The following ZNF408 variants were observed in gnomAD, a reference collection of about 807,000 sequenced individuals.
The protein encoded by ZNF408 is PR domain zinc finger protein 17.
Under a neutral mutation model 27.6 loss-of-function variants are expected in ZNF408, and 24 were observed. That is an observed-to-expected ratio of 0.87 (90% CI 0.63 to 1.22). The LOEUF (loss-of-function observed/expected upper bound fraction) is 1.22. Among genes scored for constraint, ZNF408 ranks in the 50% most tolerant of loss-of-function variants. The probability of loss-of-function intolerance (pLI) is 0.00; values close to 1 mark genes in which losing one functional copy is unlikely to be tolerated. For synonymous variants in ZNF408, 410 were observed against 396.1 expected, an observed-to-expected ratio of 1.04 and a Z score of -0.42; for missense variants, 897 against 949.0, an observed-to-expected ratio of 0.95 and a Z score of 0.72.
Position 46,701,519 on chromosome 11 carries a change from C to T in ZNF408, c.173C>T (p.Pro58Leu), listed in dbSNP as rs777003587. ...TRDILALKSL[P>L]RGLALGPSLA... ...GACATCCTCGCTTTAAAGAGCCTTC[C>T]CCGGGGCTTGGCCCTTGGCCCCTCA... The change falls in exon 2 of 5, where the codon CCC becomes CTC. Residue 58 changes from proline to leucine, a missense_variant. Physicochemically the swap from Pro to Leu is moderately conservative, Grantham distance 98. Coordinates refer to ENST00000311764, the MANE Select transcript of ZNF408 (RefSeq NM_024741.3). 5.0e-6 allele frequency: 8 copies of T among 1,613,988 alleles called. No homozygotes were observed. In the East Asian group the frequency reaches 1.6e-4, roughly 31 times the overall value.
intron 4 of ZNF408, 67 bp from the exon 5 acceptor site, chr11:46,704,286 G>A: frequency 6.7e-7 from 1 of 1,497,070 alleles, no homozygotes; most frequent in East Asian, 2.3e-5. Context: ...ATCTGATCCT[G>A]TAATTCCCTG....
Position 46,702,731 on chromosome 11 carries a change from G to T in ZNF408, c.358G>T (p.Val120Leu), listed in dbSNP as rs747305214. 29 of 1,614,090 alleles carry T rather than the reference G, an allele frequency of 1.8e-5. No homozygotes were observed. The Admixed American group carries it at 4.8e-4, about 27-fold the overall frequency. ...CCTGTCATTAGGCCCATGGGGAGACGTGTGTGCCTGTGAGCAGAGTTCTGG... is the reference window on the plus strand; with the variant it reads ...CCTGTCATTAGGCCCATGGGGAGACTTGTGTGCCTGTGAGCAGAGTTCTGG... The part of the protein sequence containing the change: ...ENLSLGPWGD[V>L]CACEQSSGWT... The change falls in exon 3 of 5, where the codon GTG becomes TTG. Residue 120 changes from valine (V) to leucine (L), a missense_variant. Coordinates refer to ENST00000311764, the MANE Select transcript of ZNF408 (RefSeq NM_024741.3).
rs1565693379 is a variant in ZNF408, at chr11:46,701,462, G to A, written c.116G>A (p.Gly39Asp). Residue 39 changes from glycine to aspartate, a missense_variant, in exon 2 of 5, where the codon GGC (glycine) becomes GAC (aspartate). By Grantham distance (94) the Gly-to-Asp change is moderately conservative. Transcript: ENST00000311764. ...CCTTCCGGAGAAGGCTGTACGCAGG[G>A]CCTCAAAGACGTCCCACCCGAGCCG... is the stretch of plus-strand genomic sequence containing the variant. ...WNPSGEGCTQ[G>D]LKDVPPEPTR... is the part of the protein sequence containing the mutation. The A allele has an allele frequency of 1.9e-6, 3 of 1,614,000 alleles. No individual in the cohort carries two copies. The highest frequency in any genetic ancestry group is 2.2e-5 in the South Asian group (2 of 91,082).
chr11:46,704,321 C>G (rs757705145), intron 4 of ZNF408, 32 bp from the exon 5 acceptor site: 2 of 1,552,408 alleles, frequency 1.3e-6, no homozygotes. Context: ...ATTGAAGCTC[C>G]CTAAACCCAG....
chr11:46,705,537 G>A lies in ZNF408; in HGVS notation c.1837G>A (p.Gly613Ser). Reference sequence around the variant, plus strand: ...CAAGCCCTACCGCTGCCCCACCTGTGGCATGGGCTACACCCTCCCGCAGAG... The same window carrying A: ...CAAGCCCTACCGCTGCCCCACCTGTAGCATGGGCTACACCCTCCCGCAGAG... ...EDKPYRCPTCGMGYTLPQSLR... is the reference protein window; with the variant it reads ...EDKPYRCPTCSMGYTLPQSLR... The change falls in exon 5 of 5, where the codon GGC becomes AGC. Residue 613 changes from glycine to serine, a missense_variant. By Grantham distance (56) the Gly-to-Ser change is moderately conservative (BLOSUM62 0). Transcript: ENST00000311764. This position sits in a 1 kb window ranked among gnomAD's most constrained non-coding sequence, Gnocchi z 6.5. The A allele has an allele frequency of 1.9e-6, 3 of 1,604,918 alleles. No homozygotes were observed. The highest frequency in any genetic ancestry group is 4.5e-5 in the East Asian group (2 of 44,880).
chr11:46,704,768 A>G lies in ZNF408; in HGVS notation c.1068A>G (p.Gly356=). 6.3e-7 allele frequency: 1 copy of G among 1,597,286 alleles called. No individual in the cohort carries two copies. The highest frequency in any genetic ancestry group is 1.1e-5 in the South Asian group (1 of 88,864). ...AGCAGGGGCGACGGTACCGGTGTGG[A>G]GAGTGTGGCAAGGCATTCCTACAGC... ...SPKQGRRYRC[G]ECGKAFLQLC... Residue 356 remains glycine (G), a synonymous_variant, in exon 5 of 5, where the codon GGA becomes GGG. Coordinates refer to ENST00000311764, the MANE Select transcript of ZNF408 (RefSeq NM_024741.3).
Position 46,704,721 on chromosome 11 carries a change from G to A in ZNF408, c.1021G>A (p.Gly341Ser), listed in dbSNP as rs1190654651. 4 of 1,602,788 alleles carry A rather than the reference G, an allele frequency of 2.5e-6. No homozygotes were observed. The African/African-American group carries it at 5.4e-5, about 22-fold the overall frequency. Residue 341 changes from glycine (G) to serine (S), a missense_variant, in exon 5 of 5, where the codon GGC (glycine) becomes AGC (serine). Coordinates refer to ENST00000311764, the MANE Select transcript of ZNF408 (RefSeq NM_024741.3). Reference protein sequence around the residue: ...GFPTLSRSPPGPAGSSPKQGR... With the variant: ...GFPTLSRSPPSPAGSSPKQGR... ...CCCTACACTCTCGCGGAGCCCTCCT[G>A]GCCCAGCAGGAAGCTCCCCAAAGCA...
At position 46,705,177 on chromosome 11, in the gene ZNF408, G is replaced by C. The variant is rs1390641831; in HGVS notation, c.1477G>C (p.Glu493Gln). The C allele has an allele frequency of 1.2e-6, 2 of 1,611,548 alleles. No homozygotes were observed. The highest frequency in any genetic ancestry group is 1.7e-6 in the Non-Finnish European group (2 of 1,179,956). Residue 493 changes from glutamate to glutamine, a missense_variant, in exon 5 of 5, where the codon GAA (glutamate) becomes CAA (glutamine). Transcript: ENST00000311764. This position sits in a 1 kb window ranked among gnomAD's most constrained non-coding sequence, Gnocchi z 6.5. The part of the protein sequence containing the change: ...LRNHMRLHTG[E>Q]KPFLCPHCGR... Reference sequence around the variant, plus strand: ...GAACCATATGAGGCTCCATACAGGAGAAAAGCCTTTCCTGTGCCCGCACTG... The same window carrying C: ...GAACCATATGAGGCTCCATACAGGACAAAAGCCTTTCCTGTGCCCGCACTG...
At position 46,705,593 on chromosome 11, in the gene ZNF408, T is replaced by G; in HGVS notation, c.1893T>G (p.Pro631=). The part of the protein sequence containing the change: ...SLRRHQLSHR[P]EAPCSPPSVP... The stretch of plus-strand genomic sequence containing the variant: ...GGCGGCATCAGCTCAGTCACCGGCC[T>G]GAGGCACCCTGCAGCCCACCCTCTG... The change falls in exon 5 of 5, where the codon CCT becomes CCG. Residue 631 remains proline, a synonymous_variant. Transcript: ENST00000311764. This position sits in a 1 kb window ranked among gnomAD's most constrained non-coding sequence, Gnocchi z 6.5. 6.2e-7 allele frequency: 1 copy of G among 1,609,496 alleles called. No individual in the cohort carries two copies. Among genetic ancestry groups the G allele is most frequent in the South Asian group, 1.1e-5 (1 of 91,084 alleles).
chr11:46,701,269 GC>G, intron 1 of ZNF408, 129 bp from the exon 2 acceptor site: 1 of 1,560,548 alleles, frequency 6.4e-7, no homozygotes, highest in Non-Finnish European at 8.8e-7. Flanking sequence ...AACTTTCAGG[GC>G]CCTCCTTAGA....
rs775762946 is a variant in ZNF408 at position 46,704,793 on chromosome 11, C to T, written c.1093C>T (p.Leu365=). ...AGAGTGTGGCAAGGCATTCCTACAGCTGTGCCACCTAAAGAAGCACGCATT... is the reference window on the plus strand; with the variant it reads ...AGAGTGTGGCAAGGCATTCCTACAGTTGTGCCACCTAAAGAAGCACGCATT... ...CGECGKAFLQ[L]CHLKKHAFVH... The change falls in exon 5 of 5, where the codon CTG becomes TTG. Residue 365 remains leucine (L), a synonymous_variant. Transcript: ENST00000311764. The T allele has an allele frequency of 6.9e-6, 11 of 1,597,844 alleles. No homozygotes were observed. The highest frequency in any genetic ancestry group is 1.7e-4 in the Middle Eastern group (1 of 5,976).
rs1166845377 is a variant in ZNF408, at chr11:46,705,395, G to A, written c.1695G>A (p.Thr565=). Residue 565 remains threonine, a synonymous_variant, in exon 5 of 5, where the codon ACG becomes ACA. Transcript: ENST00000311764. The surrounding 1 kb of genome is among the most constrained non-coding windows in gnomAD (Gnocchi z 6.5). ...GCAAGGCCCTCCGAGACCCACACAC[G>A]CTCCGAGCTCACGAGCGCCTGCACT... ...VCGKALRDPH[T]LRAHERLHSG... 8.7e-6 allele frequency: 14 copies of A among 1,607,902 alleles called. No individual in the cohort carries two copies. Among genetic ancestry groups the A allele is most frequent in the Non-Finnish European group, 1.1e-5 (13 of 1,179,586 alleles).
chr11:46,702,076 A>G (rs1206065244), intron 2 of ZNF408, among the ~76,000 whole-genome samples: 3 of 152,238 alleles, frequency 2.0e-5, no homozygotes, highest in South Asian at 2.1e-4. Flanking sequence ...TTCACTGCAC[A>G]ATAAGTACCA....
rs552142494 is a variant in ZNF408, at chr11:46,705,407, C to T, written c.1707C>T (p.His569=). ...GAGACCCACACACGCTCCGAGCTCACGAGCGCCTGCACTCCGGAGAGAGGC... is the reference window on the plus strand; with the variant it reads ...GAGACCCACACACGCTCCGAGCTCATGAGCGCCTGCACTCCGGAGAGAGGC... ...ALRDPHTLRA[H]ERLHSGERPF... is the part of the protein sequence containing the mutation. The change falls in exon 5 of 5, where the codon CAC becomes CAT. Residue 569 remains histidine (H), a synonymous_variant. Transcript: ENST00000311764. The surrounding 1 kb of genome is among the most constrained non-coding windows in gnomAD (Gnocchi z 6.5). 6.0e-5 allele frequency: 96 copies of T among 1,607,812 alleles called. No individual in the cohort carries two copies. Among genetic ancestry groups the T allele is most frequent in the Non-Finnish European group, 7.4e-5 (87 of 1,179,508 alleles).
In ZNF408 at chr11:46,703,013, A is replaced by G; in HGVS notation, c.422A>G (p.Glu141Gly). The G allele has an allele frequency of 6.2e-7, 1 of 1,614,002 alleles. No individual in the cohort carries two copies. The highest frequency in any genetic ancestry group is 8.5e-7 in the Non-Finnish European group (1 of 1,179,884). ...SLVQRGRLES[E>G]GNVAPVRISE... ...GTACAACGGGGCAGGCTGGAGAGTGAGGGAAATGTGGCCCCAGTGCGGATC... is the reference window on the plus strand; with the variant it reads ...GTACAACGGGGCAGGCTGGAGAGTGGGGGAAATGTGGCCCCAGTGCGGATC... The change falls in exon 4 of 5, where the codon GAG becomes GGG. Residue 141 changes from glutamate to glycine, a missense_variant. Coordinates refer to ENST00000311764, the MANE Select transcript of ZNF408 (RefSeq NM_024741.3).
Position 46,701,384 on chromosome 11 carries a change from C to T in ZNF408, c.53-15C>T. 4 of 1,611,906 alleles carry T rather than the reference C, an allele frequency of 2.5e-6. No individual in the cohort carries two copies. In the South Asian group the frequency reaches 4.4e-5, roughly 18 times the overall value. On this transcript the variant is annotated splice_polypyrimidine_tract_variant and intron_variant, in intron 1 of 4. Transcript: ENST00000311764. ...TCTTGGGTGGCTCCCTCACTGTCTTCCCTTCTCTCTGCAGCCCGCGAGCCG... is the reference window on the plus strand; with the variant it reads ...TCTTGGGTGGCTCCCTCACTGTCTTTCCTTCTCTCTGCAGCCCGCGAGCCG...
In ZNF408 at chr11:46,701,095, A is replaced by G. The variant is rs376601502; in HGVS notation, c.48A>G (p.Gln16=). 2.5e-5 allele frequency: 40 copies of G among 1,613,932 alleles called. No homozygotes were observed. Among genetic ancestry groups the G allele is most frequent in the East Asian group, 2.5e-4 (11 of 44,880 alleles). Residue 16 remains glutamine, a synonymous_variant, in exon 1 of 5, where the codon CAA becomes CAG. Coordinates refer to ENST00000311764, the MANE Select transcript of ZNF408 (RefSeq NM_024741.3). ...ELLLEGKKAL[Q]LAREPRLGLD... is the part of the protein sequence containing the mutation. ...TCTTGGAGGGGAAGAAGGCGCTGCA[A>G]CTCGGTGAGTGACCTGCGATGTCCG...
intron 4 of ZNF408, among the ~76,000 whole-genome samples, chr11:46,704,131 C>T (rs577155096): frequency 6.6e-6 from 1 of 152,208 alleles, no homozygotes; most frequent in African/African-American, 2.4e-5. Context: ...ATCCAGATGG[C>T]TGGGACCCCA....
Position 46,705,735 on chromosome 11 carries a change from T to C in ZNF408, c.2035T>C (p.Ser679Pro). 1 of 1,612,370 alleles carries C rather than the reference T, an allele frequency of 6.2e-7. No homozygotes were observed. Among genetic ancestry groups the C allele is most frequent in the Non-Finnish European group, 8.5e-7 (1 of 1,179,332 alleles). The stretch of plus-strand genomic sequence containing the variant: ...CAGGGATGTTGTTGAGGTCACCATT[T>C]CAGAAAGCCAGGAGAAGTGCTTTGT... ...PARDVVEVTI[S>P]ESQEKCFVVP... is the part of the protein sequence containing the mutation. Residue 679 changes from serine to proline, a missense_variant, in exon 5 of 5, where the codon TCA becomes CCA. Coordinates refer to ENST00000311764, the MANE Select transcript of ZNF408 (RefSeq NM_024741.3). This position sits in a 1 kb window ranked among gnomAD's most constrained non-coding sequence, Gnocchi z 6.5.
Sources: gnomAD v4.1 joint callset for allele counts (sites outside exome capture counted in the v4.1 genomes callset) on GRCh38, gnomAD v4.1.1 for gene constraint, Gnocchi (gnomAD v3.1) non-coding constraint, MANE v1.5 for transcripts, NCBI Gene and HGNC (gene_info 2026-07-23, HGNC 2026-07-21) for gene names.